Variants in HFM1 observed in about 807,000 individuals in gnomAD.
HFM1 encodes helicase for meiosis 1.
In HFM1, 169 loss-of-function variants were observed where a neutral mutation model predicts 192.1. The observed-to-expected ratio is 0.88, with a 90% CI of 0.78 to 1.00. HFM1 has a LOEUF of 1.00. Ranked by LOEUF, HFM1 falls within the 50% of genes least tolerant of loss-of-function variation. The pLI is 0.00. For synonymous variants in HFM1, 525 were observed against 537.8 expected (o/e 0.98, Z 0.33); for missense variants, 1,661 against 1,668.0 (o/e 1.00, Z 0.07).
chr1:91,291,121 C>T (rs1005865077), intron 30 of HFM1, among the ~76,000 whole-genome samples: 2 of 152,058 alleles, frequency 1.3e-5, no homozygotes, highest in Admixed American at 6.5e-5. Context: ...AATTGACACC[C>T]TAACATCACA....
At chr1:91,323,296 C>A in intron 21 of HFM1, 97 bp from the exon 22 acceptor site, 1 of 724,002 alleles carries the variant, frequency 1.4e-6, no homozygotes, top group South Asian at 1.7e-5. Context: ...TGCCTTAAAC[C>A]ATCACAGTTT....
intron 2 of HFM1, among the ~76,000 whole-genome samples, chr1:91,398,242 A>C (rs1041901327): frequency 1.1e-4 from 17 of 152,138 alleles, no homozygotes; most frequent in Non-Finnish European, 2.9e-5. Flanking sequence ...AATAAAATCA[A>C]ATCTTCCTTA....
rs563201761 is a variant in HFM1, at chr1:91,392,489, C to T, written c.494+1604G>A. On this transcript the variant is annotated intron_variant, in intron 4 of 38. Coordinates refer to ENST00000370425, the MANE Select transcript of HFM1 (RefSeq NM_001017975.6). ...GAAACCATCATTCTGAGCAAACTGTCGTAAGGAAAGAAAACCAAACACCAC... is the reference window on the plus strand; with the variant it reads ...GAAACCATCATTCTGAGCAAACTGTTGTAAGGAAAGAAAACCAAACACCAC... 5.3e-5 allele frequency among the ~76,000 whole-genome samples: 8 copies of T among 152,062 alleles called. 1 individual carries two copies. The highest frequency in any genetic ancestry group is 2.6e-4 in the Admixed American group (4 of 15,276).
intron 34 of HFM1, among the ~76,000 whole-genome samples, chr1:91,271,218 G>A (rs1057289186): frequency 6.6e-6 from 1 of 152,152 alleles, no homozygotes; most frequent in African/African-American, 2.4e-5. Flanking sequence ...TAACAGGGAA[G>A]TCTACCTTTT....
chr1:91,300,471 G>C (rs1648551606), intron 30 of HFM1, among the ~76,000 whole-genome samples: 1 of 152,064 alleles, frequency 6.6e-6, no homozygotes, highest in Non-Finnish European at 1.5e-5. Flanking sequence ...GCCTGGCAGA[G>C]ACACAACAAA....
chr1:91,355,121 T>C (rs931213885), intron 13 of HFM1, among the ~76,000 whole-genome samples: 1 of 152,120 alleles, frequency 6.6e-6, no homozygotes, highest in African/African-American at 2.4e-5. Flanking sequence ...AGAGTAGTTG[T>C]ATGTGACTGA....
chr1:91,332,218 T>C (rs574395433), intron 20 of HFM1, among the ~76,000 whole-genome samples: 3 of 152,282 alleles, frequency 2.0e-5, no homozygotes, highest in South Asian at 2.1e-4. Flanking sequence ...TACAGAGCTA[T>C]AGTAACCAAA....
intron 30 of HFM1, among the ~76,000 whole-genome samples, chr1:91,290,772 C>T (rs1668654727): frequency 6.6e-6 from 1 of 151,934 alleles, no homozygotes; most frequent in Admixed American, 6.6e-5. Context: ...CACACCACAC[C>T]TATTCCAAAA....
intron 28 of HFM1, among the ~76,000 whole-genome samples, chr1:91,314,261 T>C (rs925333141): frequency 6.6e-6 from 1 of 152,158 alleles, no homozygotes; most frequent in Non-Finnish European, 1.5e-5. Context: ...AAAAATTAAT[T>C]AATTTTCTTT....
intron 30 of HFM1, among the ~76,000 whole-genome samples, chr1:91,278,869 C>G (rs1285892448): frequency 6.6e-6 from 1 of 151,958 alleles, no homozygotes; most frequent in Non-Finnish European, 1.5e-5. Flanking sequence ...ACTCTGTGAC[C>G]ATAGTAGAAG....
At chr1:91,325,604 T>C (rs550260108) in intron 20 of HFM1, among the ~76,000 whole-genome samples, 1 of 152,330 alleles carries the variant, frequency 6.6e-6, no homozygotes, top group Admixed American at 6.5e-5. Flanking sequence ...ATCGGGCTTA[T>C]GGCCAAAGTC....
chr1:91,370,350 T>A (rs1470545919), intron 13 of HFM1, among the ~76,000 whole-genome samples: 5 of 152,168 alleles, frequency 3.3e-5, no homozygotes, highest in African/African-American at 1.2e-4. Context: ...AATAAAATAC[T>A]GGCAAACCAA....
intron 32 of HFM1, 63 bp downstream of exon 32, chr1:91,276,565 G>T: frequency 2.6e-6 from 2 of 757,946 alleles, no homozygotes; most frequent in East Asian, 2.9e-5. Context: ...TTGACAGACA[G>T]AACAAAGAAT....
chr1:91,402,759 CTCACCAGACCAGTT>C (rs1335355739), intron 1 of HFM1, among the ~76,000 whole-genome samples: 1 of 151,982 alleles, frequency 6.6e-6, no homozygotes, highest in Non-Finnish European at 1.5e-5. Flanking sequence ...TAAAATAAAC[CTCACCAGACCAGTT>C]TCATATGGCT....
At chr1:91,365,433 A>G (rs1392137532) in intron 13 of HFM1, among the ~76,000 whole-genome samples, 2 of 152,188 alleles carry the variant, frequency 1.3e-5, no homozygotes, top group Non-Finnish European at 2.9e-5. Flanking sequence ...CCATTTTACT[A>G]GCTATATGAA....
At chr1:91,388,759 T>G (rs1662557394) in intron 4 of HFM1, among the ~76,000 whole-genome samples, 1 of 151,104 alleles carries the variant, frequency 6.6e-6, no homozygotes, top group Non-Finnish European at 1.5e-5. Context: ...CAGTATTACA[T>G]CAAAGCAAAA....
In HFM1 at chr1:91,262,181, ATTTC is replaced by A. The variant is rs1024337600; in HGVS notation, c.4238+56_4238+59del. The A allele has an allele frequency of 4.0e-6, 3 of 755,760 alleles. No homozygotes were observed. The African/African-American group carries it at 5.4e-5, about 14-fold the overall frequency. The allele number at this position is 755,760 out of a possible 1,614,324, so 46.8% of individuals were successfully genotyped here. ...AATGAAAAGGAAAACGGAAGGCTGAATTTCTTTGTGAAAAGTTTTTTATTGATAT... is the reference window on the plus strand; with the variant it reads ...AATGAAAAGGAAAACGGAAGGCTGAATTTGTGAAAAGTTTTTTATTGATAT... On this transcript the variant is annotated intron_variant, in intron 38 of 38. Coordinates refer to ENST00000370425, the MANE Select transcript of HFM1 (RefSeq NM_001017975.6).
intron 32 of HFM1, among the ~76,000 whole-genome samples, chr1:91,275,067 C>T (rs556650588): frequency 2.0e-5 from 3 of 151,334 alleles, no homozygotes; most frequent in African/African-American, 7.3e-5. Context: ...TCACTGCAAC[C>T]TCTGCCTCCC....
At chr1:91,292,192 T>A (rs1668843516) in intron 30 of HFM1, among the ~76,000 whole-genome samples, 1 of 151,182 alleles carries the variant, frequency 6.6e-6, no homozygotes, top group Admixed American at 6.6e-5. Context: ...GTGTTGGAAG[T>A]TCTGGCCAGG....
Sources: allele counts gnomAD v4.1 joint callset (sites outside exome capture counted in the v4.1 genomes callset), GRCh38; gene constraint gnomAD v4.1.1; transcripts MANE v1.5; gene names NCBI Gene and HGNC (gene_info 2026-07-23, HGNC 2026-07-21).